Variants in TRAF3 observed in about 807,000 individuals in gnomAD.
The protein encoded by TRAF3 is TNF receptor-associated factor 3.
Under a neutral mutation model 62.3 loss-of-function variants are expected in TRAF3, and 13 were observed. That is an observed-to-expected ratio of 0.21 (90% CI 0.14 to 0.33). The LOEUF (loss-of-function observed/expected upper bound fraction) is 0.33. Among genes scored for constraint, TRAF3 ranks in the 10% least tolerant of loss-of-function variants. The probability of loss-of-function intolerance (pLI) is 1.00; values close to 1 mark genes in which losing one functional copy is unlikely to be tolerated. For missense variants in TRAF3, 440 were observed against 741.8 expected (o/e 0.59, Z 4.73); for synonymous variants, 269 against 283.4 (o/e 0.95, Z 0.51).
intron 2 of TRAF3, among the ~76,000 whole-genome samples, chr14:102,837,651 A>G (rs571225518): frequency 8.5e-4 from 129 of 152,272 alleles, no homozygotes; most frequent in South Asian, 3.9e-3. Flanking sequence ...TAAAAAAAAA[A>G]AAGATACTTG....
chr14:102,808,903 C>T (rs1346889726), intron 1 of TRAF3: 1 of 152,170 alleles, frequency 6.6e-6, no homozygotes, highest in Non-Finnish European at 1.5e-5. Context: ...GCAGCCTCCA[C>T]CTCTTGGGTT....
In TRAF3 at chr14:102,903,240, C is replaced by A; in HGVS notation, c.961-15C>A. The A allele has an allele frequency of 6.2e-7, 1 of 1,614,152 alleles. No individual in the cohort carries two copies. Among genetic ancestry groups the A allele is most frequent in the Non-Finnish European group, 8.5e-7 (1 of 1,180,040 alleles). On this transcript the variant is annotated splice_polypyrimidine_tract_variant and intron_variant, in intron 10 of 11. Transcript: ENST00000392745. This position sits in a 1 kb window ranked among gnomAD's most constrained non-coding sequence, Gnocchi z 6.4. ...CCTAACTGTGTTTTGCTTTTTAACACCTTTGGTTTGGAAGCGAGTGATAGA... is the reference window on the plus strand; with the variant it reads ...CCTAACTGTGTTTTGCTTTTTAACAACTTTGGTTTGGAAGCGAGTGATAGA...
At chr14:102,827,027 C>T (rs942875345) in intron 1 of TRAF3, among the ~76,000 whole-genome samples, 8 of 152,192 alleles carry the variant, frequency 5.3e-5, no homozygotes, top group Non-Finnish European at 8.8e-5. Context: ...GCTCCGGCCA[C>T]AGGCGTGCAA....
intron 2 of TRAF3, among the ~76,000 whole-genome samples, chr14:102,859,791 T>C (rs1268190703): frequency 6.6e-6 from 1 of 152,200 alleles, no homozygotes; most frequent in Non-Finnish European, 1.5e-5. Context: ...GTAGTAGTTG[T>C]AAGGTTTTTC....
chr14:102,839,885 C>T (rs926176549), intron 2 of TRAF3, among the ~76,000 whole-genome samples: 20 of 152,194 alleles, frequency 1.3e-4, no homozygotes, highest in African/African-American at 2.4e-5. Context: ...GTAGTTAGAG[C>T]ATAATGTTTC....
rs35895214 is a variant in TRAF3, at chr14:102,792,113, C to CTTTTTTTTTTTT, written c.-157+14454_-157+14465dup. 8.2e-5 allele frequency among the ~76,000 whole-genome samples: 8 copies of CTTTTTTTTTTTT among 97,702 alleles called. 4 individuals are homozygous for CTTTTTTTTTTTT. Among genetic ancestry groups the CTTTTTTTTTTTT allele is most frequent in the African/African-American group, 8.4e-5 (2 of 23,854 alleles). The allele number at this position is 97,702 out of a possible 152,430, so 64.1% of individuals were successfully genotyped here. On this transcript the variant is annotated intron_variant, in intron 1 of 11. Transcript: ENST00000392745. Reference sequence around the variant, plus strand: ...ACAGGTGCGAGCCACTGTGCCTGGACTTTTTTTTTTTTTTTTTTTTTTTTT... The same window carrying CTTTTTTTTTTTT: ...ACAGGTGCGAGCCACTGTGCCTGGACTTTTTTTTTTTTTTTTTTTTTTTTTTTTTTTTTTTTT...
chr14:102,779,093 A>G (rs1897161661), intron 1 of TRAF3, among the ~76,000 whole-genome samples: 1 of 152,196 alleles, frequency 6.6e-6, no homozygotes. Context: ...AAATCCTGTG[A>G]GTGGGTGCTC....
At chr14:102,876,744 T>C (rs1369449332) in intron 6 of TRAF3, 4 of 573,374 alleles carry the variant, frequency 7.0e-6, no homozygotes, top group East Asian at 3.4e-5. Flanking sequence ...CCTCAACTCA[T>C]AGATAATCCG....
chr14:102,897,528 C>A (rs1890065762), intron 10 of TRAF3, 127 bp downstream of exon 10: 7 of 1,282,022 alleles, frequency 5.5e-6, no homozygotes, highest in Non-Finnish European at 7.6e-6. Flanking sequence ...CAACTGATTT[C>A]TCTGGCCTAA....
chr14:102,806,746 G>T (rs1034753516), intron 1 of TRAF3, among the ~76,000 whole-genome samples: 2 of 152,086 alleles, frequency 1.3e-5, no homozygotes, highest in Admixed American at 6.5e-5. Flanking sequence ...TGGCAGGGCT[G>T]GGGGGAGGTC....
chr14:102,839,958 C>G (rs899064431), intron 2 of TRAF3, among the ~76,000 whole-genome samples: 2 of 152,078 alleles, frequency 1.3e-5, no homozygotes, highest in Non-Finnish European at 2.9e-5. Context: ...TTTGGCAGTT[C>G]CGACAAACTC....
chr14:102,875,377 C>T (rs1227254772), intron 4 of TRAF3, among the ~76,000 whole-genome samples: 5 of 152,134 alleles, frequency 3.3e-5, no homozygotes, highest in Admixed American at 3.3e-4. Flanking sequence ...ATTATCAAGT[C>T]TAATTCATTT....
At chr14:102,850,141 A>G (rs1281313629) in intron 2 of TRAF3, among the ~76,000 whole-genome samples, 10 of 152,228 alleles carry the variant, frequency 6.6e-5, no homozygotes, top group Non-Finnish European at 1.2e-4. Flanking sequence ...CATTAGGGTA[A>G]TGGAGGCATA....
chr14:102,800,801 T>A (rs1036282657), intron 1 of TRAF3, among the ~76,000 whole-genome samples: 22 of 151,162 alleles, frequency 1.5e-4, no homozygotes, highest in African/African-American at 4.9e-4. Flanking sequence ...TCTCAAGAGA[T>A]CTTCCCACCT....
chr14:102,905,974 C>T lies in TRAF3; in HGVS notation c.*190C>T, dbSNP rs1890568621. ...GACACGTTTTATAATAGACTAGCCA[C>T]ACTTCACTCTGAAGAATTATTTATC... On this transcript the variant is annotated 3_prime_UTR_variant, in exon 12 of 12. Coordinates refer to ENST00000392745, the MANE Select transcript of TRAF3 (RefSeq NM_145725.3). 1.9e-6 allele frequency: 1 copy of T among 523,372 alleles called. No individual in the cohort carries two copies. The highest frequency in any genetic ancestry group is 3.4e-5 in the South Asian group (1 of 29,434). The allele number at this position is 523,372 out of a possible 1,614,324, so 32.4% of individuals were successfully genotyped here.
chr14:102,784,006 A>G (rs1897371301), intron 1 of TRAF3, among the ~76,000 whole-genome samples: 1 of 152,180 alleles, frequency 6.6e-6, no homozygotes, highest in South Asian at 2.1e-4. Flanking sequence ...AGATCTTACA[A>G]TGTAAATATC....
intron 4 of TRAF3, among the ~76,000 whole-genome samples, chr14:102,872,363 C>T (rs558497111): frequency 6.6e-6 from 1 of 152,336 alleles, no homozygotes; most frequent in South Asian, 2.1e-4. Flanking sequence ...CTACTCAACT[C>T]TTACACTAGG....
intron 1 of TRAF3, chr14:102,809,152 A>C (rs771957858): frequency 6.6e-6 from 1 of 152,122 alleles, no homozygotes; most frequent in African/African-American, 2.4e-5. Context: ...ACACGCGGCT[A>C]ATTTTTTGTA....
chr14:102,795,721 G>A (rs1263349299), intron 1 of TRAF3, among the ~76,000 whole-genome samples: 1 of 151,932 alleles, frequency 6.6e-6, no homozygotes, highest in Non-Finnish European at 1.5e-5. Flanking sequence ...GCTGCCCAAG[G>A]CAGGACTCTA....
Sources: allele counts gnomAD v4.1 joint callset (sites outside exome capture counted in the v4.1 genomes callset), GRCh38; gene constraint gnomAD v4.1.1; non-coding constraint Gnocchi (gnomAD v3.1); transcripts MANE v1.5; gene names NCBI Gene and HGNC (gene_info 2026-07-23, HGNC 2026-07-21).